Variants in C12orf42 observed in about 807,000 individuals in gnomAD.
C12orf42 encodes the protein uncharacterized protein C12orf42.
A neutral mutation model predicts 21.6 loss-of-function variants in C12orf42; 25 were observed. That is an observed-to-expected ratio of 1.16 (90% CI 0.84 to 1.62). The LOEUF (loss-of-function observed/expected upper bound fraction) is 1.62, where lower values mean the gene tolerates loss of function less well. Ranked by LOEUF, C12orf42 falls within the 40% of genes most tolerant of loss-of-function variation. The probability of loss-of-function intolerance (pLI) is 0.00; values close to 1 mark genes in which losing one functional copy is unlikely to be tolerated. For synonymous variants in C12orf42, 174 were observed against 175.0 expected, an observed-to-expected ratio of 0.99 and a Z score of 0.05; for missense variants, 483 against 459.3, an observed-to-expected ratio of 1.05 and a Z score of -0.47.
the C12orf42 span, among the ~76,000 whole-genome samples, chr12:103,211,526 C>A: frequency 6.6e-6 from 1 of 152,286 alleles, no homozygotes; most frequent in Non-Finnish European, 1.5e-5. Flanking sequence ...AGGCAACTTA[C>A]GAAGCTGGCC....
chr12:103,284,886 A>C (rs952101115), intron 4 of C12orf42, among the ~76,000 whole-genome samples: 1 of 152,176 alleles, frequency 6.6e-6, no homozygotes, highest in African/African-American at 2.4e-5. Context: ...ATTTTAAAAG[A>C]AATTAAGACA....
chr12:103,240,415 C>A (rs17033611), intron 10 of C12orf42, among the ~76,000 whole-genome samples: 6 of 152,068 alleles, frequency 3.9e-5, no homozygotes, highest in Non-Finnish European at 7.4e-5. Context: ...GAGACACATG[C>A]TAGCAAGTCA....
chr12:103,224,623 G>A, the C12orf42 span, among the ~76,000 whole-genome samples: 1 of 152,238 alleles, frequency 6.6e-6, no homozygotes, highest in African/African-American at 2.4e-5. Flanking sequence ...GAGTACAGCT[G>A]AAGGAGCCGG....
chr12:103,262,686 C>T (rs779317687), intron 10 of C12orf42, among the ~76,000 whole-genome samples: 37 of 152,200 alleles, frequency 2.4e-4, no homozygotes, highest in African/African-American at 7.9e-4. Context: ...GAAATAGGAA[C>T]GCTTTTACAC....
At chr12:103,372,944 A>T (rs760316096) in intron 3 of C12orf42, among the ~76,000 whole-genome samples, 3 of 152,200 alleles carry the variant, frequency 2.0e-5, no homozygotes, top group Non-Finnish European at 4.4e-5. Context: ...TCAAGGTATG[A>T]TTTACTGAAG....
rs1672105917 is a variant in C12orf42, at chr12:103,493,761, G to A, written c.-22+2141C>T. ...AAAACCTTAGAGATAAGAAAAAGGA[G>A]AAAAAGACAAGAAATTAAGAGGAAA... On this transcript the variant is annotated intron_variant, in intron 1 of 5. Transcript: ENST00000548883. Among the ~76,000 whole-genome samples, 3 of 146,834 alleles carry A rather than the reference G, an allele frequency of 2.0e-5. No individual in the cohort carries two copies. The South Asian group carries it at 6.6e-4, about 32-fold the overall frequency.
the C12orf42 span, among the ~76,000 whole-genome samples, chr12:103,128,032 T>C: frequency 6.6e-6 from 1 of 152,214 alleles, no homozygotes; most frequent in Non-Finnish European, 1.5e-5. Flanking sequence ...ATGGCTATAA[T>C]ACTTCTAGTT....
At chr12:103,099,397 A>C in the C12orf42 span, among the ~76,000 whole-genome samples, 22 of 152,356 alleles carry the variant, frequency 1.4e-4, 1 homozygote, top group South Asian at 2.5e-3. Context: ...CAAGGGATAC[A>C]GATGCACAAA....
chr12:103,384,582 G>A (rs955894414), intron 3 of C12orf42, among the ~76,000 whole-genome samples: 10 of 152,112 alleles, frequency 6.6e-5, no homozygotes, highest in Admixed American at 6.6e-5. Flanking sequence ...ACTCCTTCTT[G>A]ACTGAGGGCT....
chr12:103,232,135 A>G, the C12orf42 span, among the ~76,000 whole-genome samples: 5 of 152,222 alleles, frequency 3.3e-5, no homozygotes, highest in Admixed American at 2.6e-4. Context: ...TCTTTGGGCC[A>G]ATTTTAAATC....
At chr12:103,248,363 A>G (rs1429628607) in intron 10 of C12orf42, among the ~76,000 whole-genome samples, 5 of 152,048 alleles carry the variant, frequency 3.3e-5, no homozygotes, top group Non-Finnish European at 1.5e-5. Context: ...TATTACAGTA[A>G]GTCGATAGTA....
chr12:103,320,060 A>T (rs965771612), intron 4 of C12orf42, among the ~76,000 whole-genome samples: 3 of 152,226 alleles, frequency 2.0e-5, no homozygotes, highest in Admixed American at 6.5e-5. Context: ...CAACCGAGAA[A>T]GAAAACGTTA....
chr12:103,488,204 T>A (rs1229484387), intron 1 of C12orf42, among the ~76,000 whole-genome samples: 1 of 152,226 alleles, frequency 6.6e-6, no homozygotes, highest in African/African-American at 2.4e-5. Context: ...TTATTTCTCC[T>A]GCACTTATGA....
At chr12:103,517,985 C>T in the C12orf42 span, among the ~76,000 whole-genome samples, 1 of 151,830 alleles carries the variant, frequency 6.6e-6, no homozygotes, top group East Asian at 1.9e-4. Flanking sequence ...CATCATGAAT[C>T]AGAAAGTGAA....
chr12:103,439,123 TC>T, intron 2 of C12orf42, among the ~76,000 whole-genome samples: 1 of 152,092 alleles, frequency 6.6e-6, no homozygotes, highest in South Asian at 2.1e-4. Context: ...AACTATCTGA[TC>T]TTTGACAAAC....
intron 2 of C12orf42, among the ~76,000 whole-genome samples, chr12:103,419,972 A>T (rs998046366): frequency 6.6e-6 from 1 of 152,210 alleles, no homozygotes; most frequent in Non-Finnish European, 1.5e-5. Context: ...TACTATATAT[A>T]GTTGTTTTGC....
chr12:103,558,778 T>C, the C12orf42 span: 1 of 152,052 alleles, frequency 6.6e-6, no homozygotes, highest in Non-Finnish European at 1.5e-5. Flanking sequence ...CTACCTACAT[T>C]AGGGAGAGAA....
At chr12:103,157,717 G>A in the C12orf42 span, among the ~76,000 whole-genome samples, 4 of 152,130 alleles carry the variant, frequency 2.6e-5, no homozygotes, top group Non-Finnish European at 4.4e-5. Context: ...ACCGTTTACC[G>A]AATAGAAGAT....
chr12:103,515,757 G>C, the C12orf42 span, among the ~76,000 whole-genome samples: 1 of 152,126 alleles, frequency 6.6e-6, no homozygotes, highest in Admixed American at 6.5e-5. Context: ...ATGTTTCACT[G>C]GAACAAGAAA....
Sources: gnomAD v4.1 joint callset for allele counts (sites outside exome capture counted in the v4.1 genomes callset) on GRCh38, gnomAD v4.1.1 for gene constraint, MANE v1.5 for transcripts, NCBI Gene and HGNC (gene_info 2026-07-23, HGNC 2026-07-21) for gene names.